Variants in OPCML observed in about 807,000 individuals in gnomAD.
The protein encoded by OPCML is opioid-binding protein/cell adhesion molecule.
In OPCML, 13 loss-of-function variants were observed where a neutral mutation model predicts 37.8. The observed-to-expected ratio is 0.34, with a 90% CI of 0.22 to 0.55. The LOEUF (loss-of-function observed/expected upper bound fraction) is 0.55. Among genes scored for constraint, OPCML ranks in the 20% least tolerant of loss-of-function variants. The probability of loss-of-function intolerance (pLI) is 0.91; values close to 1 mark genes in which losing one functional copy is unlikely to be tolerated. For synonymous variants in OPCML, 176 were observed against 168.8 expected (o/e 1.04, Z -0.33); for missense variants, 341 against 435.6 (o/e 0.78, Z 1.93).
At chr11:133,274,488 G>A (rs559508887) in intron 1 of OPCML, among the ~76,000 whole-genome samples, 1 of 152,340 alleles carries the variant, frequency 6.6e-6, no homozygotes, top group African/African-American at 2.4e-5. Flanking sequence ...GACATGGGAA[G>A]AGTCAAAGAG....
intron 3 of OPCML, among the ~76,000 whole-genome samples, chr11:132,551,941 T>C (rs749591338): frequency 2.4e-4 from 36 of 152,204 alleles, no homozygotes; most frequent in Non-Finnish European, 4.6e-4. Context: ...ATTGGGCAGT[T>C]ACAGAGTGGC....
chr11:133,483,820 G>GATAGATAA lies in OPCML; in HGVS notation c.61+48443_61+48444insTTATCTAT, dbSNP rs1555165683. Among the ~76,000 whole-genome samples, 70 of 149,646 alleles carry GATAGATAA rather than the reference G, an allele frequency of 4.7e-4. 2 individuals are homozygous for GATAGATAA. Among genetic ancestry groups the GATAGATAA allele is most frequent in the East Asian group, 6.1e-4 (3 of 4,924 alleles). On this transcript the variant is annotated intron_variant, in intron 1 of 7. Transcript: ENST00000524381. ...TGATAGATAGATAGATAGATAGATAGATAGATAGGATGGATACATAGATGA... is the reference window on the plus strand; with the variant it reads ...TGATAGATAGATAGATAGATAGATAGATAGATAAATAGATAGGATGGATACATAGATGA...
intron 2 of OPCML, among the ~76,000 whole-genome samples, chr11:132,899,608 T>C (rs1943975718): frequency 6.6e-6 from 1 of 152,120 alleles, no homozygotes; most frequent in Non-Finnish European, 1.5e-5. Context: ...AAGGTGGACC[T>C]GTGATGATTA....
At chr11:132,956,628 T>C (rs1291788248) in intron 1 of OPCML, among the ~76,000 whole-genome samples, 1 of 152,182 alleles carries the variant, frequency 6.6e-6, no homozygotes, top group African/African-American at 2.4e-5. Context: ...GTATGCATCC[T>C]CACCACCACC....
intron 2 of OPCML, among the ~76,000 whole-genome samples, chr11:132,751,027 A>G (rs760414362): frequency 4.6e-5 from 7 of 152,200 alleles, no homozygotes; most frequent in Non-Finnish European, 7.3e-5. Context: ...AAGATAAAAT[A>G]TTATCAAGTG....
At chr11:132,628,708 T>G (rs1429890727) in intron 3 of OPCML, among the ~76,000 whole-genome samples, 1 of 152,114 alleles carries the variant, frequency 6.6e-6, no homozygotes, top group Admixed American at 6.5e-5. Flanking sequence ...ATTGTAGTTC[T>G]CATAATCCCC....
At chr11:132,954,487 C>A (rs999368013) in intron 1 of OPCML, among the ~76,000 whole-genome samples, 1 of 152,128 alleles carries the variant, frequency 6.6e-6, no homozygotes, top group Non-Finnish European at 1.5e-5. Flanking sequence ...GACTGACTGC[C>A]ATGTGGCTTC....
At chr11:132,669,966 C>G (rs1297883051) in intron 2 of OPCML, among the ~76,000 whole-genome samples, 1 of 152,066 alleles carries the variant, frequency 6.6e-6, no homozygotes, top group Non-Finnish European at 1.5e-5. Context: ...CAGAACAATT[C>G]TTGTTATTTA....
chr11:132,628,053 G>A (rs1286686753), intron 3 of OPCML, among the ~76,000 whole-genome samples: 1 of 152,138 alleles, frequency 6.6e-6, no homozygotes, highest in South Asian at 2.1e-4. Context: ...GATATTTACA[G>A]ATTTGCAAGC....
chr11:132,435,359 A>G (rs2096009531), intron 7 of OPCML: 1 of 450,092 alleles, frequency 2.2e-6, no homozygotes, highest in Admixed American at 6.4e-5. Context: ...CTCTCATCCT[A>G]CTCATCGGAT....
chr11:133,180,795 GC>G (rs1409350063), intron 1 of OPCML, among the ~76,000 whole-genome samples: 1 of 144,484 alleles, frequency 6.9e-6, no homozygotes, highest in Non-Finnish European at 1.5e-5. Flanking sequence ...TGTACTCTCT[GC>G]CCATGAGCTA....
At chr11:132,457,538 T>G (rs1592204091) in intron 4 of OPCML, among the ~76,000 whole-genome samples, 1 of 152,138 alleles carries the variant, frequency 6.6e-6, no homozygotes, top group Non-Finnish European at 1.5e-5. Flanking sequence ...AGGAGGCAGG[T>G]GGTAAAGAGA....
At chr11:133,244,820 G>T (rs765876820) in intron 1 of OPCML, among the ~76,000 whole-genome samples, 8 of 152,208 alleles carry the variant, frequency 5.3e-5, no homozygotes, top group Non-Finnish European at 1.0e-4. Flanking sequence ...TGTTGAAGCT[G>T]GGAGTCGATT....
chr11:133,220,985 G>A (rs542260481), intron 1 of OPCML, among the ~76,000 whole-genome samples: 1 of 152,298 alleles, frequency 6.6e-6, no homozygotes, highest in African/African-American at 2.4e-5. Context: ...TTTTTTGTCG[G>A]AAATGAAAAT....
At chr11:132,899,612 A>G (rs1943975979) in intron 2 of OPCML, among the ~76,000 whole-genome samples, 1 of 152,122 alleles carries the variant, frequency 6.6e-6, no homozygotes, top group South Asian at 2.1e-4. Context: ...TGGACCTGTG[A>G]TGATTAACTT....
chr11:132,771,197 C>A (rs968362577), intron 2 of OPCML, among the ~76,000 whole-genome samples: 1 of 152,222 alleles, frequency 6.6e-6, no homozygotes, highest in African/African-American at 2.4e-5. Flanking sequence ...GCACCAGGGT[C>A]TTGGGAGCCA....
rs1939010018 is a variant in OPCML at position 133,205,182 on chromosome 11, C to T, written c.62-262172G>A. On this transcript the variant is annotated intron_variant, in intron 1 of 7. Transcript: ENST00000524381. The surrounding 1 kb of genome is among the most constrained non-coding windows in gnomAD (Gnocchi z 4.8). ...TGGCTAATGATGTAATCAATTATGG[C>T]AACCTAATGAAGCTTTGATAAAAAA... 1.3e-5 allele frequency among the ~76,000 whole-genome samples: 2 copies of T among 151,896 alleles called. No individual in the cohort carries two copies. The highest frequency in any genetic ancestry group is 6.6e-5 in the Admixed American group (1 of 15,264).
At chr11:132,730,552 C>A (rs957784458) in intron 2 of OPCML, among the ~76,000 whole-genome samples, 2 of 152,046 alleles carry the variant, frequency 1.3e-5, no homozygotes, top group Admixed American at 1.3e-4. Flanking sequence ...AGGAAGATAA[C>A]CCCCTGGAGA....
At chr11:132,610,025 G>C (rs1419120489) in intron 3 of OPCML, among the ~76,000 whole-genome samples, 1 of 120,012 alleles carries the variant, frequency 8.3e-6, no homozygotes, top group Non-Finnish European at 1.6e-5. Flanking sequence ...GTAAATTCAG[G>C]TTACGTTAAC....
Sources: allele counts gnomAD v4.1 joint callset (sites outside exome capture counted in the v4.1 genomes callset), GRCh38; gene constraint gnomAD v4.1.1; non-coding constraint Gnocchi (gnomAD v3.1); transcripts MANE v1.5; gene names NCBI Gene and HGNC (gene_info 2026-07-23, HGNC 2026-07-21).